Variants in CD8B observed in about 807,000 individuals in gnomAD.
CD8B encodes the protein T-cell surface glycoprotein CD8 beta chain.
Under a neutral mutation model 24.2 loss-of-function variants are expected in CD8B, and 6 were observed. The ratio of observed to expected loss-of-function variants is 0.25; its 90% confidence interval spans 0.14 to 0.49. The LOEUF is 0.49. Among genes scored for constraint, CD8B ranks in the 20% least tolerant of loss-of-function variants. CD8B has a pLI of 0.98. For missense variants in CD8B, 196 were observed against 271.3 expected (o/e 0.72, Z 1.95); for synonymous variants, 84 against 108.3 (o/e 0.78, Z 1.39).
intron 5 of CD8B, chr2:86,833,130 A>G: frequency 3.4e-6 from 1 of 292,504 alleles, no homozygotes; most frequent in East Asian, 1.1e-4. Flanking sequence ...TAGTTTAAAT[A>G]ATTCCCTGCA....
At chr2:86,836,378 G>A (rs1333191877), downstream of CD8B, among the ~76,000 whole-genome samples, 9 of 152,106 alleles carry the variant, frequency 5.9e-5, no homozygotes, top group Non-Finnish European at 1.0e-4. Flanking sequence ...GCAAGACTGC[G>A]AGCCCTGGGG....
chr2:86,849,992 C>G (rs1675897986), intron 3 of CD8B, among the ~76,000 whole-genome samples: 1 of 152,152 alleles, frequency 6.6e-6, no homozygotes, highest in Non-Finnish European at 1.5e-5. Context: ...GTGTGAGCCA[C>G]CATGCCTAGC....
intron 5 of CD8B, among the ~76,000 whole-genome samples, chr2:86,818,520 T>C (rs1470609071): frequency 2.6e-5 from 4 of 152,182 alleles, no homozygotes; most frequent in Non-Finnish European, 4.4e-5. Flanking sequence ...ATTGTGTCTG[T>C]TCTGGTGACT....
chr2:86,816,526 A>G (rs528795962), intron 5 of CD8B, among the ~76,000 whole-genome samples: 2 of 152,268 alleles, frequency 1.3e-5, no homozygotes, highest in South Asian at 2.1e-4. Flanking sequence ...TGATTTATAA[A>G]CTCTAGTAAT....
chr2:86,844,862 A>G, intron 5 of CD8B, 60 bp downstream of exon 5: 1 of 1,554,414 alleles, frequency 6.4e-7, no homozygotes, highest in Non-Finnish European at 8.7e-7. Flanking sequence ...CTGCAGTTAG[A>G]GGCTGCAAGC....
At chr2:86,833,508 G>A (rs867984673), downstream of CD8B, among the ~76,000 whole-genome samples, 9 of 48,286 alleles carry the variant, frequency 1.9e-4, no homozygotes, top group South Asian at 7.2e-4. Context: ...CCTCCCCTCC[G>A]CTCTCCTCCC....
chr2:86,826,708 G>A (rs1674701629), intron 5 of CD8B, among the ~76,000 whole-genome samples: 1 of 152,086 alleles, frequency 6.6e-6, no homozygotes, highest in African/African-American at 2.4e-5. Context: ...CGACAGTGTC[G>A]CTCTCGCCCA....
intron 5 of CD8B, among the ~76,000 whole-genome samples, chr2:86,825,744 C>T (rs1020289506): frequency 1.3e-5 from 2 of 152,192 alleles, no homozygotes; most frequent in African/African-American, 4.8e-5. Flanking sequence ...TTCTTCGCTG[C>T]CACCTCCAAG....
intron 4 of CD8B, among the ~76,000 whole-genome samples, chr2:86,846,230 A>T (rs1675667165): frequency 6.6e-6 from 1 of 152,216 alleles, no homozygotes; most frequent in East Asian, 1.9e-4. Flanking sequence ...TGTCGTGGAG[A>T]GGATTTCTAG....
chr2:86,827,831 A>G (rs941164364), intron 5 of CD8B, among the ~76,000 whole-genome samples: 6 of 152,166 alleles, frequency 3.9e-5, no homozygotes, highest in Non-Finnish European at 8.8e-5. Flanking sequence ...ACCCACAACA[A>G]AAGTAGAGGA....
Position 86,839,048 on chromosome 2 carries a change from C to A in CD8B, c.*3259G>T, listed in dbSNP as rs1451493032. Among the ~76,000 whole-genome samples, 1 of 152,180 alleles carries A rather than the reference C, an allele frequency of 6.6e-6. No homozygotes were observed. The highest frequency in any genetic ancestry group is 1.5e-5 in the Non-Finnish European group (1 of 68,036). Reference sequence around the variant, plus strand: ...TCCCTCCTAATGACCACCACTGGACCAAGGGTAACTGTATCCTAACTTCTA... The same window carrying A: ...TCCCTCCTAATGACCACCACTGGACAAAGGGTAACTGTATCCTAACTTCTA... On this transcript the variant is annotated 3_prime_UTR_variant, in exon 6 of 6. Transcript: ENST00000390655.
chr2:86,842,085 T>C lies in CD8B; in HGVS notation c.*222A>G. On this transcript the variant is annotated 3_prime_UTR_variant, in exon 6 of 6. Transcript: ENST00000390655. ...CTCCAGCACACTCTGTGAAGTGCCC[T>C]GGGGGCAATGAAACCTTCTCCCTAG... The C allele has an allele frequency of 8.2e-6, 11 of 1,348,482 alleles. No individual in the cohort carries two copies. The highest frequency in any genetic ancestry group is 1.1e-5 in the Non-Finnish European group (11 of 1,046,210). 83.5% of individuals were successfully genotyped at this position (1,348,482 alleles called of 1,614,324 possible). A position where few individuals can be genotyped will look rare whatever the true frequency, so the allele number is the denominator to read the frequency against.
chr2:86,861,156 G>A (rs1448523159), intron 1 of CD8B, among the ~76,000 whole-genome samples: 1 of 152,074 alleles, frequency 6.6e-6, no homozygotes, highest in East Asian at 1.9e-4. Flanking sequence ...GACCAGTTTG[G>A]GTAGTTTTCC....
downstream of CD8B, among the ~76,000 whole-genome samples, chr2:86,837,241 G>A (rs988169113): frequency 2.2e-4 from 34 of 152,176 alleles, no homozygotes; most frequent in African/African-American, 8.0e-4. Flanking sequence ...AAGGGTACTC[G>A]CTTGTGAAAG....
intron 2 of CD8B, among the ~76,000 whole-genome samples, chr2:86,857,099 C>T (rs546542127): frequency 6.6e-4 from 100 of 151,982 alleles, no homozygotes; most frequent in African/African-American, 2.3e-3. Context: ...CCATCAGCAC[C>T]CCCGTGTGAC....
chr2:86,821,463 C>T (rs999973872), intron 5 of CD8B, among the ~76,000 whole-genome samples: 3 of 152,292 alleles, frequency 2.0e-5, no homozygotes, highest in African/African-American at 7.2e-5. Flanking sequence ...CTTTGTTCTT[C>T]GTTGTATTGT....
intron 5 of CD8B, among the ~76,000 whole-genome samples, chr2:86,821,470 T>C (rs1031065852): frequency 9.2e-5 from 14 of 152,188 alleles, no homozygotes; most frequent in Non-Finnish European, 1.9e-4. Flanking sequence ...CTTCGTTGTA[T>C]TGTGGCGGGG....
intron 3 of CD8B, among the ~76,000 whole-genome samples, chr2:86,850,855 C>T (rs1675939579): frequency 6.6e-6 from 1 of 152,058 alleles, no homozygotes; most frequent in Non-Finnish European, 1.5e-5. Flanking sequence ...CTTTGGGAGG[C>T]CAAGGCAGGT....
At chr2:86,842,894 C>T (rs1239410272) in intron 5 of CD8B, among the ~76,000 whole-genome samples, 1 of 152,144 alleles carries the variant, frequency 6.6e-6, no homozygotes, top group African/African-American at 2.4e-5. Context: ...CCCACGACCA[C>T]CCAGAGCCCC....
Sources: gnomAD v4.1 joint callset for allele counts (sites outside exome capture counted in the v4.1 genomes callset) on GRCh38, gnomAD v4.1.1 for gene constraint, MANE v1.5 for transcripts, NCBI Gene and HGNC (gene_info 2026-07-23, HGNC 2026-07-21) for gene names.